BTNL8: variants seen among roughly 807,000 people sequenced by gnomAD.
BTNL8 encodes the protein butyrophilin-like protein 8.
Under a neutral mutation model 36.1 loss-of-function variants are expected in BTNL8, and 22 were observed. The ratio of observed to expected loss-of-function variants is 0.61; its 90% CI spans 0.44 to 0.87. The LOEUF (loss-of-function observed/expected upper bound fraction) is 0.87. Among genes scored for constraint, BTNL8 ranks in the 40% least tolerant of loss-of-function variants. The pLI is 0.00. For synonymous variants in BTNL8, 203 were observed against 235.6 expected (o/e 0.86, Z 1.27); for missense variants, 526 against 616.9 (o/e 0.85, Z 1.56).
chr5:180,926,124 C>A (rs1758085393), intron 3 of BTNL8, among the ~76,000 whole-genome samples: 1 of 152,126 alleles, frequency 6.6e-6, no homozygotes, highest in African/African-American at 2.4e-5. Flanking sequence ...ACTGAGGTAC[C>A]TGGCTCATCT....
rs938576963 is a variant in BTNL8 at position 180,935,081 on chromosome 5, C to G, written c.674-12431C>G. Among the ~76,000 whole-genome samples the G allele has an allele frequency of 1.3e-5, 2 of 152,164 alleles. No individual in the cohort carries two copies. Among genetic ancestry groups the G allele is most frequent in the African/African-American group, 4.8e-5 (2 of 41,426 alleles). ...GCTTCTCACTTCATAGTCCTGATGT[C>G]TGTCTGAGTCTAGGGGTTTTTATGG... On this transcript the variant is annotated intron_variant, in intron 3 of 7. Transcript: ENST00000340184. The surrounding 1 kb of genome is among the most constrained non-coding windows in gnomAD (Gnocchi z 4.8).
At chr5:180,932,821 C>G (rs913435895) in intron 3 of BTNL8, among the ~76,000 whole-genome samples, 1 of 152,116 alleles carries the variant, frequency 6.6e-6, no homozygotes, top group Non-Finnish European at 1.5e-5. Context: ...AAATGGAAGT[C>G]TGTACCTATA....
rs535316530 is a variant in BTNL8, at chr5:180,907,859, G to A, written c.50-727G>A. Among the ~76,000 whole-genome samples, 304 of 151,132 alleles carry A rather than the reference G, an allele frequency of 2.0e-3. 1 individual carries two copies. The highest frequency in any genetic ancestry group is 6.7e-3 in the African/African-American group (273 of 40,930). ...GGTCAGGGGTCAGGGACTCACTTGA[G>A]GAGGCAGTCTGCCAGTTCTCAGATC... is the stretch of plus-strand genomic sequence containing the variant. On this transcript the variant is annotated intron_variant, in intron 1 of 7. Transcript: ENST00000340184.
chr5:180,928,324 C>G (rs1437602481), intron 3 of BTNL8, among the ~76,000 whole-genome samples: 2 of 152,120 alleles, frequency 1.3e-5, no homozygotes, highest in African/African-American at 2.4e-5. Flanking sequence ...TACAAGAGCT[C>G]CTGGAGAAAG....
intron 1 of BTNL8, among the ~76,000 whole-genome samples, chr5:180,900,216 G>C (rs1376204392): frequency 1.3e-5 from 2 of 152,156 alleles, no homozygotes; most frequent in Non-Finnish European, 2.9e-5. Flanking sequence ...TCTGTTTCCG[G>C]GTGAGGCAGC....
At chr5:180,941,912 C>CTTTTTTTTTTT (rs1554145496) in intron 3 of BTNL8, among the ~76,000 whole-genome samples, 38 of 144,968 alleles carry the variant, frequency 2.6e-4, no homozygotes, top group African/African-American at 4.2e-4. Context: ...TTTTACTACT[C>CTTTTTTTTTTT]TTATTCAACA....
At chr5:180,948,328 C>T (rs1380141063) in intron 4 of BTNL8, 27 bp from the exon 5 acceptor site, 2 of 1,465,638 alleles carry the variant, frequency 1.4e-6, no homozygotes, top group African/African-American at 2.7e-5. Flanking sequence ...CCTGTGTCCA[C>T]CACTGAATAT....
intron 3 of BTNL8, among the ~76,000 whole-genome samples, chr5:180,912,791 T>C (rs904200880): frequency 1.3e-5 from 2 of 152,172 alleles, no homozygotes; most frequent in African/African-American, 4.8e-5. Flanking sequence ...TAATTAAGCA[T>C]GGGTTGACTG....
chr5:180,946,132 T>A lies in BTNL8; in HGVS notation c.674-1380T>A, dbSNP rs571453207. ...TTTGAATGGCTATTATCAAAAAGAT[T>A]AAAGATAAGTGTTGGCAAGGATGCT... On this transcript the variant is annotated intron_variant, in intron 3 of 7. Coordinates refer to ENST00000340184, the MANE Select transcript of BTNL8 (RefSeq NM_001040462.3). 1.2e-3 allele frequency among the ~76,000 whole-genome samples: 180 copies of A among 152,266 alleles called. 1 individual carries two copies. Among genetic ancestry groups the A allele is most frequent in the African/African-American group, 4.2e-3 (174 of 41,556 alleles).
At chr5:180,933,629 T>A (rs1386902951) in intron 3 of BTNL8, among the ~76,000 whole-genome samples, 1 of 151,946 alleles carries the variant, frequency 6.6e-6, no homozygotes, top group African/African-American at 2.4e-5. Context: ...ACTTATGGGG[T>A]GCATTAAAGG....
In BTNL8 at chr5:180,899,243, T is replaced by C; in HGVS notation, c.-68T>C. 1 of 1,578,116 alleles carries C rather than the reference T, an allele frequency of 6.3e-7. No individual in the cohort carries two copies. Among genetic ancestry groups the C allele is most frequent in the Non-Finnish European group, 8.7e-7 (1 of 1,147,546 alleles). ...GCATTAGGCCAGTTCTCCTCTTCTC[T>C]CTAATCCATCCGTCACCTCTCCTGT... On this transcript the variant is annotated 5_prime_UTR_variant, in exon 1 of 8. Transcript: ENST00000340184.
At chr5:180,926,873 G>A (rs1358181380) in intron 3 of BTNL8, among the ~76,000 whole-genome samples, 1 of 152,204 alleles carries the variant, frequency 6.6e-6, no homozygotes, top group Non-Finnish European at 1.5e-5. Context: ...GCACCTGGGG[G>A]AAGGAGAAGC....
chr5:180,908,353 C>T (rs1757209135), intron 1 of BTNL8, among the ~76,000 whole-genome samples: 1 of 152,212 alleles, frequency 6.6e-6, no homozygotes, highest in African/African-American at 2.4e-5. Context: ...GAGGCAATGC[C>T]TCGCCCTGCT....
intron 3 of BTNL8, among the ~76,000 whole-genome samples, chr5:180,928,316 C>T (rs1323964170): frequency 6.6e-6 from 1 of 152,172 alleles, no homozygotes; most frequent in African/African-American, 2.4e-5. Flanking sequence ...ACCTGCCTTA[C>T]AAGAGCTCCT....
chr5:180,912,227 G>C (rs960238281), intron 3 of BTNL8, among the ~76,000 whole-genome samples: 27 of 152,064 alleles, frequency 1.8e-4, no homozygotes, highest in African/African-American at 6.5e-4. Flanking sequence ...TGGCTCTTCT[G>C]GTTCTCAGGT....
chr5:180,908,528 C>A, intron 1 of BTNL8, 58 bp from the exon 2 acceptor site: 1 of 1,548,068 alleles, frequency 6.5e-7, no homozygotes, highest in Non-Finnish European at 8.8e-7. Flanking sequence ...GCCATCTTGG[C>A]TCCTCCCCCT....
In BTNL8 at chr5:180,950,098, T is replaced by C; in HGVS notation, c.1057T>C (p.Trp353Arg). Residue 353 changes from tryptophan to arginine, a missense_variant, in exon 8 of 8, where the codon TGG becomes CGG. Coordinates refer to ENST00000340184, the MANE Select transcript of BTNL8 (RefSeq NM_001040462.3). ...WEVDGGHNKRWRVGVCRDDVD... is the reference protein window; with the variant it reads ...WEVDGGHNKRRRVGVCRDDVD... ...GGTGGACGGAGGACACAATAAAAGG[T>C]GGCGCGTGGGAGTGTGCCGGGATGA... 6.8e-7 allele frequency: 1 copy of C among 1,462,528 alleles called. No homozygotes were observed. Among genetic ancestry groups the C allele is most frequent in the Non-Finnish European group, 9.4e-7 (1 of 1,058,620 alleles). 90.6% of individuals were successfully genotyped at this position (1,462,528 alleles called of 1,614,324 possible).
intron 3 of BTNL8, among the ~76,000 whole-genome samples, chr5:180,931,803 A>C (rs1758398127): frequency 1.3e-5 from 2 of 152,182 alleles, no homozygotes; most frequent in Admixed American, 6.5e-5. Context: ...AAAAGTCAGG[A>C]AACAACCCAT....
intron 3 of BTNL8, among the ~76,000 whole-genome samples, chr5:180,928,207 A>T (rs1394029100): frequency 6.6e-6 from 1 of 152,240 alleles, no homozygotes; most frequent in Non-Finnish European, 1.5e-5. Context: ...TGGATTTTCA[A>T]CCCAGAATTT....
Sources: allele counts gnomAD v4.1 joint callset (sites outside exome capture counted in the v4.1 genomes callset), GRCh38; gene constraint gnomAD v4.1.1; non-coding constraint Gnocchi (gnomAD v3.1); transcripts MANE v1.5; gene names NCBI Gene and HGNC (gene_info 2026-07-23, HGNC 2026-07-21).